CAMK2B: variants seen among roughly 807,000 people sequenced by gnomAD.
The protein encoded by CAMK2B is calcium/calmodulin dependent protein kinase II beta, also known as calcium/calmodulin-dependent protein kinase type II subunit beta.
In CAMK2B, 27 loss-of-function variants were observed where a neutral mutation model predicts 93.7. That is an observed-to-expected ratio of 0.29 (90% CI 0.21 to 0.40). CAMK2B has a LOEUF of 0.40. Ranked by LOEUF, CAMK2B falls within the 10% of genes least tolerant of loss-of-function variation. The probability of loss-of-function intolerance (pLI) is 1.00; values close to 1 mark genes in which losing one functional copy is unlikely to be tolerated. For synonymous variants in CAMK2B, 374 were observed against 358.8 expected (o/e 1.04, Z -0.48); for missense variants, 568 against 895.8 (o/e 0.63, Z 4.67).
intron 16 of CAMK2B, among the ~76,000 whole-genome samples, chr7:44,231,524 C>T (rs762429711): frequency 1.3e-5 from 2 of 152,242 alleles, no homozygotes; most frequent in African/African-American, 4.8e-5. Flanking sequence ...AATTCCAAGA[C>T]GTAAAACACA....
intron 1 of CAMK2B, among the ~76,000 whole-genome samples, chr7:44,308,900 C>T (rs939717051): frequency 1.3e-5 from 2 of 152,208 alleles, no homozygotes; most frequent in East Asian, 3.9e-4. Flanking sequence ...GGCCAGCCTG[C>T]CCTTTACTGC....
chr7:44,280,366 A>G (rs1315728442), intron 2 of CAMK2B, among the ~76,000 whole-genome samples: 1 of 152,150 alleles, frequency 6.6e-6, no homozygotes, highest in African/African-American at 2.4e-5. Context: ...ATATGTCACC[A>G]GGCCACAGGG....
intron 1 of CAMK2B, among the ~76,000 whole-genome samples, chr7:44,297,137 G>A (rs1468173138): frequency 1.3e-5 from 2 of 152,206 alleles, no homozygotes; most frequent in African/African-American, 4.8e-5. Context: ...ATCAGGGATA[G>A]GAGAGAGGAA....
Position 44,286,573 on chromosome 7 carries a change from G to A in CAMK2B, c.66-2348C>T, listed in dbSNP as rs1427658402. Reference sequence around the variant, plus strand: ...GAGCAGAGGGCGGCAAGCCACAGCTGTTCCTCAGCACACGACATCCATGCA... The same window carrying A: ...GAGCAGAGGGCGGCAAGCCACAGCTATTCCTCAGCACACGACATCCATGCA... On this transcript the variant is annotated intron_variant, in intron 1 of 23. Transcript: ENST00000395749. This position sits in a 1 kb window ranked among gnomAD's most constrained non-coding sequence, Gnocchi z 4.0. 6.6e-6 allele frequency among the ~76,000 whole-genome samples: 1 copy of A among 152,204 alleles called. No homozygotes were observed. Among genetic ancestry groups the A allele is most frequent in the Non-Finnish European group, 1.5e-5 (1 of 68,040 alleles).
intron 1 of CAMK2B, among the ~76,000 whole-genome samples, chr7:44,321,383 T>C (rs1346770327): frequency 1.3e-5 from 2 of 152,180 alleles, no homozygotes; most frequent in Middle Eastern, 3.4e-3. Context: ...CAAGGACATA[T>C]CAAGGTCAGT....
At chr7:44,309,543 G>A (rs1334491820) in intron 1 of CAMK2B, among the ~76,000 whole-genome samples, 2 of 152,188 alleles carry the variant, frequency 1.3e-5, no homozygotes, top group Non-Finnish European at 2.9e-5. Flanking sequence ...GGCATGGGGA[G>A]GGCCCTCGGG....
At chr7:44,251,935 C>T (rs539629911) in intron 5 of CAMK2B, among the ~76,000 whole-genome samples, 112 of 152,294 alleles carry the variant, frequency 7.4e-4, no homozygotes, top group African/African-American at 2.5e-3. Context: ...CCAGACCTCG[C>T]CAGGCCAGCT....
rs1268213536 is a variant in CAMK2B, at chr7:44,243,299, C to T, written c.552G>A (p.Glu184=). 1.9e-6 allele frequency: 3 copies of T among 1,614,072 alleles called. No homozygotes were observed. Among genetic ancestry groups the T allele is most frequent in the Non-Finnish European group, 2.5e-6 (3 of 1,179,974 alleles). The change falls in exon 8 of 24, where the codon GAG becomes GAA. Residue 184 remains glutamate (E), a synonymous_variant. Transcript: ENST00000395749. The stretch of plus-strand genomic sequence containing the variant: ...TGCCATACGCCTCTTTGCGAAGGAC[C>T]TCAGGGGACAGGTAGCCTGGTGTGC... The part of the protein sequence containing the change: ...FAGTPGYLSP[E]VLRKEAYGKP...
At chr7:44,231,951 G>A (rs2096583550) in intron 16 of CAMK2B, among the ~76,000 whole-genome samples, 1 of 152,232 alleles carries the variant, frequency 6.6e-6, no homozygotes, top group East Asian at 1.9e-4. Flanking sequence ...TTAGGTGCAG[G>A]CTCAGAGTTC....
At chr7:44,249,124 G>A (rs1368293220) in intron 5 of CAMK2B, among the ~76,000 whole-genome samples, 1 of 152,216 alleles carries the variant, frequency 6.6e-6, no homozygotes, top group Non-Finnish European at 1.5e-5. Context: ...ACTATGAGGA[G>A]CATCTACTTC....
chr7:44,308,320 G>A (rs1792492179), intron 1 of CAMK2B, among the ~76,000 whole-genome samples: 1 of 152,210 alleles, frequency 6.6e-6, no homozygotes, highest in African/African-American at 2.4e-5. Context: ...CCCATGGTAG[G>A]TGGAGCCAGG....
intron 11 of CAMK2B, 136 bp downstream of exon 11, chr7:44,241,564 T>C: frequency 1.4e-6 from 1 of 703,626 alleles, no homozygotes; most frequent in Admixed American, 2.2e-5. Flanking sequence ...GCATCCAGTC[T>C]GGGACTTGCT....
rs1050080735 is a variant in CAMK2B, at chr7:44,251,997, T to A, written c.341+2545A>T. On this transcript the variant is annotated intron_variant, in intron 5 of 23. Transcript: ENST00000395749. Reference sequence around the variant, plus strand: ...AATCTGGGGTTCAAGCAGATGGGACTCCTGCTGCCAGGCCAGGCACCCCAG... The same window carrying A: ...AATCTGGGGTTCAAGCAGATGGGACACCTGCTGCCAGGCCAGGCACCCCAG... 7.2e-5 allele frequency among the ~76,000 whole-genome samples: 11 copies of A among 152,138 alleles called. No homozygotes were observed. The East Asian group carries it at 2.1e-3, about 29-fold the overall frequency.
chr7:44,250,911 AC>A (rs1406087269), intron 5 of CAMK2B, among the ~76,000 whole-genome samples: 1 of 152,120 alleles, frequency 6.6e-6, no homozygotes, highest in Non-Finnish European at 1.5e-5. Context: ...AGACATGGAC[AC>A]CCTTCAGTTT....
chr7:44,278,133 G>A (rs2129079640), intron 2 of CAMK2B, among the ~76,000 whole-genome samples: 1 of 152,334 alleles, frequency 6.6e-6, no homozygotes, highest in East Asian at 1.9e-4. Flanking sequence ...AGGCAGGGTG[G>A]CAGGCTGCCC....
rs1490243411 is a variant in CAMK2B at position 44,311,701 on chromosome 7, A to AC, written c.65+13655dup. Among the ~76,000 whole-genome samples the AC allele has an allele frequency of 6.6e-6, 1 of 151,948 alleles. No homozygotes were observed. Among genetic ancestry groups the AC allele is most frequent in the Non-Finnish European group, 1.5e-5 (1 of 67,972 alleles). ...TGAGCTGTGTCATCCTTCACACAGGACCCCCACCGCCCCAGCTCTGGGCCT... is the reference window on the plus strand; with the variant it reads ...TGAGCTGTGTCATCCTTCACACAGGACCCCCCACCGCCCCAGCTCTGGGCCT... On this transcript the variant is annotated intron_variant, in intron 1 of 23. Coordinates refer to ENST00000395749, the MANE Select transcript of CAMK2B (RefSeq NM_001220.5). The surrounding 1 kb of genome is among the most constrained non-coding windows in gnomAD (Gnocchi z 4.2).
At chr7:44,253,088 G>A (rs948169777) in intron 5 of CAMK2B, among the ~76,000 whole-genome samples, 2 of 152,126 alleles carry the variant, frequency 1.3e-5, no homozygotes, top group Non-Finnish European at 2.9e-5. Context: ...GCCATGTCAC[G>A]ATGGGCAGTT....
chr7:44,256,005 T>G (rs1023911156), intron 4 of CAMK2B, among the ~76,000 whole-genome samples: 32 of 152,078 alleles, frequency 2.1e-4, no homozygotes, highest in Non-Finnish European at 3.7e-4. Context: ...CTGTCCAGGC[T>G]GGGGCTGGGG....
intron 3 of CAMK2B, 80 bp from the exon 4 acceptor site, chr7:44,259,006 C>T (rs2096857203): frequency 7.1e-6 from 9 of 1,272,782 alleles, no homozygotes; most frequent in Admixed American, 3.6e-5. Context: ...TGTCCAGGCA[C>T]ACCACCAGCG....
Sources: gnomAD v4.1 joint callset for allele counts (sites outside exome capture counted in the v4.1 genomes callset) on GRCh38, gnomAD v4.1.1 for gene constraint, Gnocchi (gnomAD v3.1) non-coding constraint, MANE v1.5 for transcripts, NCBI Gene and HGNC (gene_info 2026-07-23, HGNC 2026-07-21) for gene names.